Variants in CD274 observed in about 807,000 individuals in gnomAD.
The protein encoded by CD274 is CD274 molecule, also known as programmed cell death 1 ligand 1.
Under a neutral mutation model 30.1 loss-of-function variants are expected in CD274, and 8 were observed. The ratio of observed to expected loss-of-function variants is 0.27; its 90% CI spans 0.16 to 0.48. CD274 has a LOEUF of 0.48. Ranked by LOEUF, CD274 falls within the 20% of genes least tolerant of loss-of-function variation. The pLI is 0.99. For missense variants in CD274, 353 were observed against 346.6 expected, an observed-to-expected ratio of 1.02 and a Z score of -0.15; for synonymous variants, 152 against 124.6, an observed-to-expected ratio of 1.22 and a Z score of -1.46.
Position 5,465,500 on chromosome 9 carries a change from A to C in CD274, c.684A>C (p.Glu228Asp). ...TTTTCGTTTTGTTTTGTTTTTCAGA[A>C]CTACCTCTGGCACATCCTCCAAATG... ...ENHTAELVIP[E>D]LPLAHPPNER... The change falls in exon 5 of 7, where the codon GAA becomes GAC. Residue 228 changes from glutamate to aspartate, a missense_variant and splice_region_variant. By Grantham distance (45) the Glu-to-Asp change is conservative. Transcript: ENST00000381577. 2 of 1,595,436 alleles carry C rather than the reference A, an allele frequency of 1.3e-6. No homozygotes were observed. The highest frequency in any genetic ancestry group is 1.7e-6 in the Non-Finnish European group (2 of 1,163,382).
At chr9:5,452,637 G>A (rs994494062) in intron 1 of CD274, among the ~76,000 whole-genome samples, 2 of 152,090 alleles carry the variant, frequency 1.3e-5, no homozygotes, top group East Asian at 1.9e-4. Context: ...CTGCCTTTTC[G>A]TCCCTCACTA....
intron 1 of CD274, among the ~76,000 whole-genome samples, chr9:5,454,333 T>G (rs1277076609): frequency 6.6e-6 from 1 of 152,186 alleles, no homozygotes; most frequent in East Asian, 1.9e-4. Flanking sequence ...GAAACCTACC[T>G]GTTCTCCCTC....
At position 5,468,215 on chromosome 9, in the gene CD274, T is replaced by G; in HGVS notation, c.*353T>G. The G allele has an allele frequency of 3.0e-6, 1 of 331,880 alleles. No homozygotes were observed. The highest frequency in any genetic ancestry group is 7.5e-5 in the South Asian group (1 of 13,338). The allele number at this position is 331,880 out of a possible 1,614,324, so 20.6% of individuals were successfully genotyped here. On this transcript the variant is annotated 3_prime_UTR_variant, in exon 7 of 7. Transcript: ENST00000381577. ...GAGAATCCCTAATTTGAGGGTCAGT[T>G]CCTGCAGAAGTGCCCTTTGCCTCCA...
rs1471479393 is a variant in CD274, at chr9:5,469,101, ATACT to A, written c.*1242_*1245del. On this transcript the variant is annotated 3_prime_UTR_variant, in exon 7 of 7. Coordinates refer to ENST00000381577, the MANE Select transcript of CD274 (RefSeq NM_014143.4). ...CCAATGTGGTCTGGGACGGTTGGAT[ATACT>A]TAAACATCTTAATAATCAGAGTAAT... The A allele has an allele frequency of 4.3e-6, 1 of 233,040 alleles. No homozygotes were observed. The highest frequency in any genetic ancestry group is 8.5e-6 in the Non-Finnish European group (1 of 117,960). 14.4% of individuals were successfully genotyped at this position (233,040 alleles called of 1,614,324 possible).
chr9:5,457,892 T>C (rs1819335946), intron 3 of CD274, among the ~76,000 whole-genome samples: 2 of 152,206 alleles, frequency 1.3e-5, no homozygotes, highest in African/African-American at 2.4e-5. Context: ...TTTTCCTTTT[T>C]TGAGCCTCTC....
At position 5,468,291 on chromosome 9, in the gene CD274, C is replaced by T. The variant is rs753697474; in HGVS notation, c.*429C>T. On this transcript the variant is annotated 3_prime_UTR_variant, in exon 7 of 7. Coordinates refer to ENST00000381577, the MANE Select transcript of CD274 (RefSeq NM_014143.4). ...ATGACTGAGAGTCTCAGTGTTGGAA[C>T]GGGACAGTATTTATGTATGAGTTTT... 8 of 262,210 alleles carry T rather than the reference C, an allele frequency of 3.1e-5. No homozygotes were observed. Among genetic ancestry groups the T allele is most frequent in the East Asian group, 1.1e-4 (2 of 17,670 alleles). 16.2% of individuals were successfully genotyped at this position (262,210 alleles called of 1,614,324 possible).
At chr9:5,467,505 C>T (rs1307936423) in intron 6 of CD274, among the ~76,000 whole-genome samples, 1 of 152,164 alleles carries the variant, frequency 6.6e-6, no homozygotes, top group Admixed American at 6.5e-5. Context: ...CCAAACTTAA[C>T]AATGAGCCCA....
In CD274 at chr9:5,469,681, G is replaced by A. The variant is rs1819558275; in HGVS notation, c.*1819G>A. 1 of 232,124 alleles carries A rather than the reference G, an allele frequency of 4.3e-6. No homozygotes were observed. The highest frequency in any genetic ancestry group is 8.5e-6 in the Non-Finnish European group (1 of 117,402). 14.4% of individuals were successfully genotyped at this position (232,124 alleles called of 1,614,324 possible). A position where few individuals can be genotyped will look rare whatever the true frequency, so the allele number is the denominator to read the frequency against. Reference sequence around the variant, plus strand: ...TTATCTTTCATATGATCCAGTATATGTTAAATATGTCCTACATATACATTT... The same window carrying A: ...TTATCTTTCATATGATCCAGTATATATTAAATATGTCCTACATATACATTT... On this transcript the variant is annotated 3_prime_UTR_variant, in exon 7 of 7. Transcript: ENST00000381577.
At position 5,470,494 on chromosome 9, in the gene CD274, A is replaced by G. The variant is rs540762981; in HGVS notation, c.*2632A>G. The G allele has an allele frequency of 4.6e-6, 1 of 217,618 alleles. No individual in the cohort carries two copies. Among genetic ancestry groups the G allele is most frequent in the East Asian group, 6.8e-5 (1 of 14,780 alleles). The allele number at this position is 217,618 out of a possible 1,614,324, so 13.5% of individuals were successfully genotyped here. A position where few individuals can be genotyped will look rare whatever the true frequency, so the allele number is the denominator to read the frequency against. On this transcript the variant is annotated 3_prime_UTR_variant, in exon 7 of 7. Coordinates refer to ENST00000381577, the MANE Select transcript of CD274 (RefSeq NM_014143.4). ...TCTTATTTATTTTGTTACTTGGTACACCAGCATGTCCATTTTCTTGTTTAT... is the reference window on the plus strand; with the variant it reads ...TCTTATTTATTTTGTTACTTGGTACGCCAGCATGTCCATTTTCTTGTTTAT...
intron 4 of CD274, chr9:5,463,326 AAT>A (rs1215286691): frequency 1.7e-6 from 1 of 579,652 alleles, no homozygotes; most frequent in Non-Finnish European, 3.1e-6. Flanking sequence ...ATATTTATGG[AAT>A]ATACCTTTTG....
At chr9:5,467,192 G>A (rs1005532447) in intron 6 of CD274, among the ~76,000 whole-genome samples, 2 of 125,014 alleles carry the variant, frequency 1.6e-5, no homozygotes, top group Admixed American at 1.8e-4. Context: ...CCCACCCCTT[G>A]CCATTACCAA....
rs1418246597 is a variant in CD274, at chr9:5,469,328, A to T, written c.*1466A>T. The T allele has an allele frequency of 1.3e-5, 3 of 232,594 alleles. No homozygotes were observed. The highest frequency in any genetic ancestry group is 2.5e-5 in the Non-Finnish European group (3 of 117,784). The allele number at this position is 232,594 out of a possible 1,614,324, so 14.4% of individuals were successfully genotyped here. The stretch of plus-strand genomic sequence containing the variant: ...AATTTTAAATTCATACCTTTCCATG[A>T]TTCAAAATTCAAAAGATCCCATGGG... On this transcript the variant is annotated 3_prime_UTR_variant, in exon 7 of 7. Coordinates refer to ENST00000381577, the MANE Select transcript of CD274 (RefSeq NM_014143.4).
rs1035717099 is a variant in CD274 at position 5,465,586 on chromosome 9, T to A, written c.770T>A (p.Phe257Tyr). Residue 257 changes from phenylalanine to tyrosine, a missense_variant, in exon 5 of 7, where the codon TTC becomes TAC. Coordinates refer to ENST00000381577, the MANE Select transcript of CD274 (RefSeq NM_014143.4). ...ILLCLGVALT[F>Y]IFRLRKGRMM... is the part of the protein sequence containing the mutation. Reference sequence around the variant, plus strand: ...TTATGCCTTGGTGTAGCACTGACATTCATCTTCCGTTTAAGAAAAGGTAGT... The same window carrying A: ...TTATGCCTTGGTGTAGCACTGACATACATCTTCCGTTTAAGAAAAGGTAGT... The A allele has an allele frequency of 3.4e-5, 55 of 1,597,146 alleles. No homozygotes were observed. The highest frequency in any genetic ancestry group is 4.5e-5 in the Non-Finnish European group (52 of 1,164,758).
chr9:5,457,211 A>T lies in CD274; in HGVS notation c.185A>T (p.Lys62Met), dbSNP rs2131211785. 6.2e-7 allele frequency: 1 copy of T among 1,614,110 alleles called. No individual in the cohort carries two copies. Residue 62 changes from lysine to methionine, a missense_variant, in exon 3 of 7, where the codon AAG (lysine) becomes ATG (methionine). Transcript: ENST00000381577. Reference sequence around the variant, plus strand: ...ATTGTCTATTGGGAAATGGAGGATAAGAACATTATTCAATTTGTGCATGGA... The same window carrying T: ...ATTGTCTATTGGGAAATGGAGGATATGAACATTATTCAATTTGTGCATGGA... ...ALIVYWEMED[K>M]NIIQFVHGEE...
At chr9:5,460,666 T>C (rs1188966504) in intron 3 of CD274, among the ~76,000 whole-genome samples, 1 of 152,166 alleles carries the variant, frequency 6.6e-6, no homozygotes, top group African/African-American at 2.4e-5. Context: ...ATAACCACTT[T>C]TTATTGCCTA....
At chr9:5,465,698 G>A (rs1819487260) in intron 5 of CD274, 92 bp downstream of exon 5, 2 of 732,360 alleles carry the variant, frequency 2.7e-6, no homozygotes, top group Non-Finnish European at 4.8e-6. Flanking sequence ...CTTAACCTCT[G>A]CAAGGTGGTG....
At chr9:5,450,973 T>C (rs1819192648) in intron 1 of CD274, among the ~76,000 whole-genome samples, 1 of 152,198 alleles carries the variant, frequency 6.6e-6, no homozygotes, top group Non-Finnish European at 1.5e-5. Flanking sequence ...GCTAGTAACA[T>C]GACTTGTGTA....
At chr9:5,454,238 C>A (rs1416637437) in intron 1 of CD274, among the ~76,000 whole-genome samples, 6 of 152,098 alleles carry the variant, frequency 3.9e-5, no homozygotes, top group Admixed American at 3.3e-4. Flanking sequence ...GAAATTTGGA[C>A]ACAGAACACC....
chr9:5,465,381 G>T, intron 4 of CD274, 118 bp from the exon 5 acceptor site: 1 of 610,238 alleles, frequency 1.6e-6, no homozygotes, highest in Non-Finnish European at 2.9e-6. Context: ...TCAAACTTTG[G>T]CATTTAAGAA....
Sources: allele counts gnomAD v4.1 joint callset (sites outside exome capture counted in the v4.1 genomes callset), GRCh38; gene constraint gnomAD v4.1.1; transcripts MANE v1.5; gene names NCBI Gene and HGNC (gene_info 2026-07-23, HGNC 2026-07-21).